Variants in AP2A2 observed in about 807,000 individuals in gnomAD.
AP2A2 encodes the protein AP-2 complex subunit alpha-2.
A neutral mutation model predicts 104.2 loss-of-function variants in AP2A2; 32 were observed. The observed-to-expected ratio is 0.31, with a 90% CI of 0.23 to 0.41. AP2A2 has a LOEUF of 0.41. Among genes scored for constraint, AP2A2 ranks in the 10% least tolerant of loss-of-function variants. AP2A2 has a pLI of 1.00. For missense variants in AP2A2, 912 were observed against 1,261.0 expected, an observed-to-expected ratio of 0.72 and a Z score of 4.19; for synonymous variants, 539 against 533.3, an observed-to-expected ratio of 1.01 and a Z score of -0.15.
intron 2 of AP2A2, among the ~76,000 whole-genome samples, chr11:966,611 T>C (rs1042562779): frequency 6.6e-6 from 1 of 152,208 alleles, no homozygotes; most frequent in Non-Finnish European, 1.5e-5. Context: ...GCAACTGCCT[T>C]GTGCCACACA....
intron 14 of AP2A2, among the ~76,000 whole-genome samples, chr11:995,214 G>A (rs1441881373): frequency 6.6e-6 from 1 of 152,226 alleles, no homozygotes; most frequent in African/African-American, 2.4e-5. Flanking sequence ...TTGATTTAGA[G>A]AGGACCTGTC....
At chr11:954,692 GTGTT>G (rs768073891) in intron 1 of AP2A2, among the ~76,000 whole-genome samples, 38 of 151,466 alleles carry the variant, frequency 2.5e-4, no homozygotes, top group Admixed American at 4.6e-4. Context: ...GTATTCATGT[GTGTT>G]TGTAAATGTG....
In AP2A2 at chr11:945,331, C is replaced by T. The variant is rs1190601169; in HGVS notation, c.68-14106C>T. Among the ~76,000 whole-genome samples, 4 of 152,048 alleles carry T rather than the reference C, an allele frequency of 2.6e-5. No homozygotes were observed. In the South Asian group the frequency reaches 6.2e-4, roughly 24 times the overall value. On this transcript the variant is annotated intron_variant, in intron 1 of 21. Coordinates refer to ENST00000448903, the MANE Select transcript of AP2A2 (RefSeq NM_012305.4). ...AAGTATTTTAAGCAGGGGAATGACA[C>T]TCAATTTTTAAAAATTTTTTTGAGA...
In AP2A2 at chr11:968,176, C is replaced by T. The variant is rs369912310; in HGVS notation, c.137-1993C>T. Among the ~76,000 whole-genome samples the T allele has an allele frequency of 9.8e-5, 15 of 152,322 alleles. No homozygotes were observed. Among genetic ancestry groups the T allele is most frequent in the Admixed American group, 1.3e-4 (2 of 15,300 alleles). ...GCCGAGCACTGTGGCTTTCTCCTCGCGCTGGCGACTTCCGCTGCCCCTCAC... is the reference window on the plus strand; with the variant it reads ...GCCGAGCACTGTGGCTTTCTCCTCGTGCTGGCGACTTCCGCTGCCCCTCAC... On this transcript the variant is annotated intron_variant, in intron 2 of 21. Coordinates refer to ENST00000448903, the MANE Select transcript of AP2A2 (RefSeq NM_012305.4). This position sits in a 1 kb window ranked among gnomAD's most constrained non-coding sequence, Gnocchi z 4.2.
chr11:995,588 C>T (rs1329139741), intron 14 of AP2A2, among the ~76,000 whole-genome samples: 1 of 151,552 alleles, frequency 6.6e-6, no homozygotes, highest in African/African-American at 2.4e-5. Flanking sequence ...GGAGGGTGCT[C>T]ATGTCGGAGT....
intron 1 of AP2A2, among the ~76,000 whole-genome samples, chr11:929,338 G>A (rs2134446815): frequency 6.6e-6 from 1 of 152,342 alleles, no homozygotes; most frequent in East Asian, 1.9e-4. Flanking sequence ...CAAGGCTCTT[G>A]ACCCTGACTC....
At chr11:976,828 A>G (rs557734118) in intron 4 of AP2A2, among the ~76,000 whole-genome samples, 1 of 152,332 alleles carries the variant, frequency 6.6e-6, no homozygotes, top group Non-Finnish European at 1.5e-5. Flanking sequence ...TATTGTTCAA[A>G]CAACAAATGA....
intron 16 of AP2A2, among the ~76,000 whole-genome samples, chr11:1,004,697 G>A (rs1367489711): frequency 1.3e-5 from 2 of 151,818 alleles, no homozygotes; most frequent in African/African-American, 4.8e-5. Flanking sequence ...GATCGCTTGA[G>A]CCCAGGTGTT....
At position 981,312 on chromosome 11, in the gene AP2A2, G is replaced by T. The variant is rs751084489; in HGVS notation, c.705+13G>T. On this transcript the variant is annotated intron_variant, in intron 6 of 21. Coordinates refer to ENST00000448903, the MANE Select transcript of AP2A2 (RefSeq NM_012305.4). ...TAGGCTAAGCAGAGTAAGTCTGTTC[G>T]TGGGGGAGCAGAAGTCAGGGTGGGT... is the stretch of plus-strand genomic sequence containing the variant. The T allele has an allele frequency of 1.3e-6, 2 of 1,585,766 alleles. No individual in the cohort carries two copies. The highest frequency in any genetic ancestry group is 1.7e-5 in the Admixed American group (1 of 59,132).
intron 1 of AP2A2, among the ~76,000 whole-genome samples, 188 bp from the exon 2 acceptor site, chr11:959,249 G>A (rs879815401): frequency 3.3e-5 from 5 of 152,184 alleles, no homozygotes; most frequent in East Asian, 1.9e-4. Flanking sequence ...GCTCAGTCCC[G>A]GCCCCGGCCC....
intron 2 of AP2A2, 115 bp downstream of exon 2, chr11:959,620 G>T (rs1338554922): frequency 1.4e-6 from 1 of 726,560 alleles, no homozygotes; most frequent in Non-Finnish European, 2.3e-6. Context: ...TTCTCAGTTT[G>T]TACAGTTTCT....
intron 1 of AP2A2, among the ~76,000 whole-genome samples, chr11:938,725 T>G (rs892006736): frequency 6.6e-6 from 1 of 152,056 alleles, no homozygotes; most frequent in Non-Finnish European, 1.5e-5. Flanking sequence ...CTGCCCGCCT[T>G]GGCCTCCTGA....
At chr11:926,314 T>C (rs1341789454) in intron 1 of AP2A2, among the ~76,000 whole-genome samples, 1 of 113,664 alleles carries the variant, frequency 8.8e-6, no homozygotes, top group Non-Finnish European at 1.8e-5. Flanking sequence ...CGGGCGGCGC[T>C]CAGAGTCTTG....
intron 2 of AP2A2, 80 bp from the exon 3 acceptor site, chr11:970,089 C>G: frequency 1.3e-6 from 2 of 1,509,518 alleles, no homozygotes; most frequent in Non-Finnish European, 1.8e-6. Context: ...GCCTGCTGTA[C>G]TGCTGCACTG....
At position 1,007,138 on chromosome 11, in the gene AP2A2, A is replaced by G. The variant is rs562776580; in HGVS notation, c.2296+521A>G. ...GGGAGACGCTAACGTCTCTACCTCT[A>G]AGGATAGGCCCGCCAAATAGAGTTA... is the stretch of plus-strand genomic sequence containing the variant. On this transcript the variant is annotated intron_variant, in intron 17 of 21. Coordinates refer to ENST00000448903, the MANE Select transcript of AP2A2 (RefSeq NM_012305.4). The G allele has an allele frequency of 3.2e-5, 5 of 155,382 alleles. No homozygotes were observed. The Admixed American group carries it at 3.3e-4, about 10-fold the overall frequency. The allele number at this position is 155,382 out of a possible 1,614,324, so 9.6% of individuals were successfully genotyped here. A position where few individuals can be genotyped will look rare whatever the true frequency, so the allele number is the denominator to read the frequency against.
At chr11:971,369 CG>C (rs1564800569) in intron 3 of AP2A2, among the ~76,000 whole-genome samples, 2 of 152,020 alleles carry the variant, frequency 1.3e-5, no homozygotes, top group African/African-American at 4.8e-5. Flanking sequence ...GGCGTGCGAG[CG>C]CAGGGCTGAA....
intron 5 of AP2A2, 73 bp from the exon 6 acceptor site, chr11:981,125 T>G: frequency 7.3e-7 from 1 of 1,364,294 alleles, no homozygotes; most frequent in East Asian, 2.5e-5. Flanking sequence ...GTTTAAGGTT[T>G]TCTTTGGAAG....
intron 8 of AP2A2, among the ~76,000 whole-genome samples, chr11:986,293 G>A (rs1855454106): frequency 6.6e-6 from 1 of 152,252 alleles, no homozygotes; most frequent in Non-Finnish European, 1.5e-5. Context: ...TCACACTTCA[G>A]AACTGAGAGT....
intron 3 of AP2A2, among the ~76,000 whole-genome samples, chr11:971,354 G>A (rs1204954036): frequency 1.3e-5 from 2 of 152,178 alleles, no homozygotes; most frequent in Non-Finnish European, 1.5e-5. Flanking sequence ...CCTGGCAGTG[G>A]CCTGGGCGTG....
Sources: gnomAD v4.1 joint callset for allele counts (sites outside exome capture counted in the v4.1 genomes callset) on GRCh38, gnomAD v4.1.1 for gene constraint, Gnocchi (gnomAD v3.1) non-coding constraint, MANE v1.5 for transcripts, NCBI Gene and HGNC (gene_info 2026-07-23, HGNC 2026-07-21) for gene names.